MSH6: variants seen among roughly 807,000 people sequenced by gnomAD.
MSH6 encodes DNA mismatch repair protein Msh6.
A neutral mutation model predicts 119.1 loss-of-function variants in MSH6; 85 were observed. The ratio of observed to expected loss-of-function variants is 0.71; its 90% CI spans 0.60 to 0.85. The LOEUF is 0.85. MSH6 is among the 40% of genes least tolerant of loss of function. The pLI, the probability that MSH6 is intolerant of heterozygous loss-of-function variation, is 0.00. For synonymous variants in MSH6, 830 were observed against 586.9 expected (o/e 1.41, Z -5.99); for missense variants, 2,163 against 1,655.3 (o/e 1.31, Z -5.32).
chr2:47,793,421 C>T (rs567381969), intron 2 of MSH6, among the ~76,000 whole-genome samples: 7 of 147,968 alleles, frequency 4.7e-5, no homozygotes, highest in South Asian at 4.3e-4. Flanking sequence ...CGAGGTCAGG[C>T]GTTCGAGACC....
downstream of MSH6, chr2:47,808,452 T>A: frequency 6.4e-7 from 1 of 1,552,614 alleles, no homozygotes; most frequent in Non-Finnish European, 8.7e-7. Context: ...CTTAAATTAC[T>A]TTTCTCAAAC....
rs1482228994 is a variant in MSH6, at chr2:47,800,875, T to C, written c.2892T>C (p.Cys964=). 2.5e-6 allele frequency: 4 copies of C among 1,612,984 alleles called. No individual in the cohort carries two copies. ...YLEKQRNRIG[C]RTIVYWGIGR... ...AGAAACAGCGCAACAGAATTGGCTG[T>C]AGGACCATAGTCTATTGGGGGATTG... Residue 964 remains cysteine (C), a synonymous_variant, in exon 4 of 10, where the codon TGT becomes TGC. Transcript: ENST00000234420.
At chr2:47,783,771 C>T in intron 1 of MSH6, 1 of 518,880 alleles carries the variant, frequency 1.9e-6, no homozygotes, top group Admixed American at 4.8e-5. Flanking sequence ...GGAGACGCGT[C>T]CCGCCAGGTG....
At chr2:47,791,174 G>C (rs764858831) in intron 2 of MSH6, 51 bp downstream of exon 2, 2 of 1,546,036 alleles carry the variant, frequency 1.3e-6, no homozygotes, top group East Asian at 4.5e-5. Context: ...GTGTGTGTGT[G>C]TGAGAGAAAC....
intron 8 of MSH6, 44 bp downstream of exon 8, chr2:47,806,402 G>A (rs2104548731): frequency 6.2e-7 from 1 of 1,612,440 alleles, no homozygotes; most frequent in Non-Finnish European, 8.5e-7. Flanking sequence ...TTTTTTGAGA[G>A]GGCACTTCTC....
rs752164796 is a variant in MSH6 at position 47,803,635 on chromosome 2, G to C, written c.3388G>C (p.Val1130Leu). The change falls in exon 5 of 10, where the codon GTG (valine) becomes CTG (leucine). Residue 1130 changes from valine to leucine, a missense_variant. Val to Leu is a conservative substitution (Grantham distance 32, BLOSUM62 1). Coordinates refer to ENST00000234420, the MANE Select transcript of MSH6 (RefSeq NM_000179.3). Reference protein sequence around the residue: ...EEQENGKAYCVLVTGPNMGGK... With the variant: ...EEQENGKAYCLLVTGPNMGGK... ...GCAGGAAAATGGCAAAGCCTATTGTGTGCTTGTTACTGGACCAAATATGGG... is the reference window on the plus strand; with the variant it reads ...GCAGGAAAATGGCAAAGCCTATTGTCTGCTTGTTACTGGACCAAATATGGG... 1 of 1,614,074 alleles carries C rather than the reference G, an allele frequency of 6.2e-7. No homozygotes were observed. The highest frequency in any genetic ancestry group is 8.5e-7 in the Non-Finnish European group (1 of 1,180,042).
Position 47,783,271 on chromosome 2 carries a change from A to C in MSH6, c.38A>C (p.Lys13Thr), listed in dbSNP as rs41294988. ...RQSTLYSFFPKSPALSDANKA... is the reference protein window; with the variant it reads ...RQSTLYSFFPTSPALSDANKA... ...AGCACCCTGTACAGCTTCTTCCCCAAGTCTCCGGCGCTGAGTGATGCCAAC... is the reference window on the plus strand; with the variant it reads ...AGCACCCTGTACAGCTTCTTCCCCACGTCTCCGGCGCTGAGTGATGCCAAC... Residue 13 changes from lysine to threonine, a missense_variant, in exon 1 of 10, where the codon AAG becomes ACG. Lys to Thr is a moderately conservative substitution (Grantham distance 78). Coordinates refer to ENST00000234420, the MANE Select transcript of MSH6 (RefSeq NM_000179.3). 24 of 1,612,164 alleles carry C rather than the reference A, an allele frequency of 1.5e-5. No individual in the cohort carries two copies. Among genetic ancestry groups the C allele is most frequent in the Non-Finnish European group, 1.9e-5 (22 of 1,179,596 alleles).
rs1669280227 is a variant in MSH6, at chr2:47,798,968, A to C, written c.985A>C (p.Ile329Leu). 6.2e-7 allele frequency: 1 copy of C among 1,614,224 alleles called. No homozygotes were observed. Among genetic ancestry groups the C allele is most frequent in the South Asian group, 1.1e-5 (1 of 91,082 alleles). Residue 329 changes from isoleucine (I) to leucine (L), a missense_variant, in exon 4 of 10, where the codon ATT (isoleucine) becomes CTT (leucine). Ile to Leu is a conservative substitution (Grantham distance 5). Coordinates refer to ENST00000234420, the MANE Select transcript of MSH6 (RefSeq NM_000179.3). ...TPSATKQATSISSETKNTLRA... is the reference protein window; with the variant it reads ...TPSATKQATSLSSETKNTLRA... Reference sequence around the variant, plus strand: ...CTCAGCCACCAAACAAGCAACTAGCATTTCATCAGAAACCAAGAATACTTT... The same window carrying C: ...CTCAGCCACCAAACAAGCAACTAGCCTTTCATCAGAAACCAAGAATACTTT...
rs537435606 is a variant in MSH6 at position 47,796,635 on chromosome 2, C to T, written c.627+572C>T. On this transcript the variant is annotated intron_variant, in intron 3 of 9. Coordinates refer to ENST00000234420, the MANE Select transcript of MSH6 (RefSeq NM_000179.3). ...TAAACCTTGAAATACAACCTTGGCT[C>T]AAACGTTAATGGTCATGGATAAAGT... Among the ~76,000 whole-genome samples, 4 of 152,148 alleles carry T rather than the reference C, an allele frequency of 2.6e-5. No individual in the cohort carries two copies. In the East Asian group the frequency reaches 7.7e-4, roughly 29 times the overall value.
intron 2 of MSH6, among the ~76,000 whole-genome samples, chr2:47,792,889 C>A (rs1021270952): frequency 1.5e-5 from 2 of 133,244 alleles, no homozygotes; most frequent in African/African-American, 5.6e-5. Flanking sequence ...GACGGTCTTG[C>A]TATGTTGCCC....
chr2:47,792,509 TC>T (rs750412777), intron 2 of MSH6, among the ~76,000 whole-genome samples: 6 of 152,188 alleles, frequency 3.9e-5, no homozygotes, highest in Non-Finnish European at 8.8e-5. Context: ...ACTTGTTTTT[TC>T]TTTTAATCTT....
At chr2:47,795,026 C>T (rs1314761343) in intron 2 of MSH6, among the ~76,000 whole-genome samples, 1 of 152,050 alleles carries the variant, frequency 6.6e-6, no homozygotes, top group East Asian at 1.9e-4. Flanking sequence ...AACTCCTGAC[C>T]TCGTGATCTG....
intron 4 of MSH6, among the ~76,000 whole-genome samples, chr2:47,802,570 C>T (rs558832435): frequency 1.4e-3 from 205 of 150,448 alleles, no homozygotes; most frequent in Non-Finnish European, 2.6e-3. Flanking sequence ...GACCTCAAAG[C>T]GATCTGCCCG....
chr2:47,790,638 A>G (rs766666278), intron 1 of MSH6, among the ~76,000 whole-genome samples: 1 of 152,182 alleles, frequency 6.6e-6, no homozygotes, highest in Admixed American at 6.5e-5. Context: ...TCCTGCCATC[A>G]GCATTATACC....
downstream of MSH6, chr2:47,806,982 T>A: frequency 2.6e-6 from 2 of 771,898 alleles, no homozygotes; most frequent in Non-Finnish European, 4.4e-6. Context: ...TCTAGGAAAT[T>A]AAACCCTTTT....
intron 4 of MSH6, among the ~76,000 whole-genome samples, chr2:47,802,635 G>GTTTTTTTTTTTTTTTTTTTTTTTTTTTT (rs527836963): frequency 1.7e-5 from 2 of 115,910 alleles, no homozygotes; most frequent in African/African-American, 3.1e-5. Flanking sequence ...GCCCAGCCCT[G>GTTTTTTTTTTTTTTTTTTTTTTTTTTTT]TTTTTTTTTT....
At chr2:47,805,155 C>A in intron 6 of MSH6, 128 bp downstream of exon 6, 3 of 712,804 alleles carry the variant, frequency 4.2e-6, no homozygotes, top group Non-Finnish European at 7.5e-6. Context: ...AAAAACATCA[C>A]TTTTTAAGAA....
At chr2:47,806,156 G>A (rs1558391690) in intron 7 of MSH6, 48 bp from the exon 8 acceptor site, 2 of 1,463,252 alleles carry the variant, frequency 1.4e-6, no homozygotes, top group Non-Finnish European at 1.9e-6. Context: ...TTCCTTTTTT[G>A]TTTTAATTCC....
chr2:47,791,130 G>C lies in MSH6; in HGVS notation c.457+7G>C, dbSNP rs781280171. ...CTTTTAAAGCCATATACAGGTAAGAGTCACTACTGCCATGTGTGTGTGTTT... is the reference window on the plus strand; with the variant it reads ...CTTTTAAAGCCATATACAGGTAAGACTCACTACTGCCATGTGTGTGTGTTT... On this transcript the variant is annotated splice_region_variant and intron_variant, in intron 2 of 9. Coordinates refer to ENST00000234420, the MANE Select transcript of MSH6 (RefSeq NM_000179.3). 1.1e-5 allele frequency: 18 copies of C among 1,612,190 alleles called. No individual in the cohort carries two copies. Among genetic ancestry groups the C allele is most frequent in the African/African-American group, 2.7e-5 (2 of 74,762 alleles).
Sources: allele counts gnomAD v4.1 joint callset (sites outside exome capture counted in the v4.1 genomes callset), GRCh38; gene constraint gnomAD v4.1.1; transcripts MANE v1.5; gene names NCBI Gene and HGNC (gene_info 2026-07-23, HGNC 2026-07-21).